Variants in SPCS2 observed in about 807,000 individuals in gnomAD.
The protein encoded by SPCS2 is SPase 25 kDa subunit.
A neutral mutation model predicts 22.3 loss-of-function variants in SPCS2; 3 were observed. The observed-to-expected ratio is 0.13, with a 90% CI of 0.06 to 0.35. The LOEUF (loss-of-function observed/expected upper bound fraction) is 0.35, where lower values mean the gene tolerates loss of function less well. Among genes scored for constraint, SPCS2 ranks in the 10% least tolerant of loss-of-function variants. The pLI, the probability that SPCS2 is intolerant of heterozygous loss-of-function variation, is 1.00. For synonymous variants in SPCS2, 67 were observed against 97.2 expected, an observed-to-expected ratio of 0.69 and a Z score of 1.83; for missense variants, 169 against 280.9, an observed-to-expected ratio of 0.60 and a Z score of 2.85.
chr11:74,950,519 T>G (rs1948397484), intron 1 of SPCS2, among the ~76,000 whole-genome samples: 1 of 152,212 alleles, frequency 6.6e-6, no homozygotes, highest in Non-Finnish European at 1.5e-5. Flanking sequence ...TTACTTGTCT[T>G]TTTGAGTGTC....
chr11:74,949,870 C>T (rs1948343717), intron 1 of SPCS2, among the ~76,000 whole-genome samples: 1 of 152,172 alleles, frequency 6.6e-6, no homozygotes, highest in Non-Finnish European at 1.5e-5. Flanking sequence ...GGCGTTTTAT[C>T]ATGATAGGCG....
At chr11:74,956,804 C>T (rs1165177098) in intron 1 of SPCS2, among the ~76,000 whole-genome samples, 1 of 151,988 alleles carries the variant, frequency 6.6e-6, no homozygotes, top group Non-Finnish European at 1.5e-5. Flanking sequence ...TTCTGTCATC[C>T]TCATCTGTCA....
chr11:74,955,644 A>G (rs1948473391), intron 1 of SPCS2, among the ~76,000 whole-genome samples: 2 of 151,988 alleles, frequency 1.3e-5, no homozygotes, highest in Admixed American at 6.6e-5. Context: ...CCTTGTGAGT[A>G]TACTAAAAAC....
intron 1 of SPCS2, among the ~76,000 whole-genome samples, chr11:74,959,095 T>G (rs558174466): frequency 1.1e-3 from 162 of 152,286 alleles, no homozygotes; most frequent in African/African-American, 3.8e-3. Context: ...TAAACTGGGA[T>G]AAAGGAGAGA....
intron 4 of SPCS2, 73 bp from the exon 5 acceptor site, chr11:74,976,784 C>A: frequency 6.3e-7 from 1 of 1,583,164 alleles, no homozygotes; most frequent in Admixed American, 1.7e-5. Flanking sequence ...TTCGGAAACA[C>A]TTGGTGCCGT....
chr11:74,965,724 A>G (rs1452291409), intron 2 of SPCS2, 39 bp from the exon 3 acceptor site: 9 of 1,530,620 alleles, frequency 5.9e-6, no homozygotes, highest in Admixed American at 1.7e-5. Context: ...CTGGGGAGGA[A>G]GTATTCCTAT....
intron 1 of SPCS2, among the ~76,000 whole-genome samples, chr11:74,953,473 G>T (rs780046247): frequency 6.6e-6 from 1 of 151,460 alleles, no homozygotes. Flanking sequence ...GTTTACAAGC[G>T]TGCGCCACCA....
rs747408472 is a variant in SPCS2, at chr11:74,969,601, C to A, written c.396C>A (p.Thr132=). ...TGATGGGGATTCTGACCATTTATAC[C>A]TCATATAAGGAGAAGAGCATCTTTC... is the stretch of plus-strand genomic sequence containing the variant. ...FVMMGILTIY[T]SYKEKSIFLV... Residue 132 remains threonine, a synonymous_variant, in exon 4 of 5, where the codon ACC becomes ACA. Transcript: ENST00000263672. 3 of 1,613,120 alleles carry A rather than the reference C, an allele frequency of 1.9e-6. No individual in the cohort carries two copies. The highest frequency in any genetic ancestry group is 2.5e-6 in the Non-Finnish European group (3 of 1,179,354).
At chr11:74,954,311 T>A (rs369931462) in intron 1 of SPCS2, among the ~76,000 whole-genome samples, 1 of 152,214 alleles carries the variant, frequency 6.6e-6, no homozygotes, top group African/African-American at 2.4e-5. Context: ...CACAGTGAAT[T>A]AGTAACACTT....
chr11:74,972,551 G>C (rs965637838), intron 4 of SPCS2, among the ~76,000 whole-genome samples: 5 of 152,082 alleles, frequency 3.3e-5, no homozygotes, highest in African/African-American at 1.2e-4. Context: ...TTGGTAACCA[G>C]ACCCAGCCCA....
rs375467292 is a variant in SPCS2 at position 74,965,877 on chromosome 11, C to T, written c.313C>T (p.His105Tyr). Residue 105 changes from histidine (H) to tyrosine (Y), a missense_variant, in exon 3 of 5, where the codon CAC becomes TAC. Around this residue, in one of 2 missense-constraint regions of SPCS2, gnomAD observed 118 missense variants for 243.1 expected, o/e 0.49. Coordinates refer to ENST00000263672, the MANE Select transcript of SPCS2 (RefSeq NM_014752.3). The stretch of plus-strand genomic sequence containing the variant: ...AGTGGCTTTGATTTGGGATTATATG[C>T]ACCCCTTTCCAGAGTCCAAACCCGT... Reference protein sequence around the residue: ...AIVALIWDYMHPFPESKPVLA... With the variant: ...AIVALIWDYMYPFPESKPVLA... 6 of 1,613,394 alleles carry T rather than the reference C, an allele frequency of 3.7e-6. No homozygotes were observed. Among genetic ancestry groups the T allele is most frequent in the East Asian group, 4.5e-5 (2 of 44,846 alleles).
intron 1 of SPCS2, chr11:74,963,537 A>T: frequency 2.5e-6 from 1 of 403,254 alleles, no homozygotes; most frequent in South Asian, 1.8e-5. Flanking sequence ...CTCTTATTTT[A>T]TTTTTTATTG....
intron 1 of SPCS2, among the ~76,000 whole-genome samples, chr11:74,952,162 T>C (rs1948450428): frequency 2.0e-5 from 3 of 152,176 alleles, no homozygotes; most frequent in Admixed American, 2.0e-4. Flanking sequence ...AATAAGGCCG[T>C]ATACACAGTA....
intron 1 of SPCS2, among the ~76,000 whole-genome samples, chr11:74,954,186 C>T (rs1948462980): frequency 2.0e-5 from 3 of 152,300 alleles, no homozygotes; most frequent in South Asian, 4.1e-4. Flanking sequence ...AAAAGCTATT[C>T]TGCTTAATAG....
At chr11:74,953,610 T>C (rs978719861) in intron 1 of SPCS2, among the ~76,000 whole-genome samples, 3 of 152,232 alleles carry the variant, frequency 2.0e-5, no homozygotes, top group Admixed American at 1.3e-4. Context: ...GCAAATATGC[T>C]CCTAGTTTTC....
intron 4 of SPCS2, 142 bp downstream of exon 4, chr11:74,969,841 G>T: frequency 9.0e-6 from 9 of 1,004,986 alleles, no homozygotes; most frequent in Non-Finnish European, 1.4e-5. Flanking sequence ...GAGTATGGAT[G>T]ATCTAGAAGG....
intron 1 of SPCS2, 181 bp downstream of exon 1, chr11:74,949,580 G>A (rs558873650): frequency 4.0e-5 from 27 of 674,406 alleles, no homozygotes; most frequent in South Asian, 3.9e-4. Context: ...CTTCAAACCT[G>A]GACCCGGTCC....
At chr11:74,963,741 G>A in intron 1 of SPCS2, 1 of 227,358 alleles carries the variant, frequency 4.4e-6, no homozygotes, top group South Asian at 4.6e-5. Flanking sequence ...TTGTACTTGT[G>A]CTCAATCCGA....
At chr11:74,960,927 AC>A (rs1457443511) in intron 1 of SPCS2, among the ~76,000 whole-genome samples, 2 of 152,162 alleles carry the variant, frequency 1.3e-5, no homozygotes, top group African/African-American at 4.8e-5. Context: ...GTGAATAAGA[AC>A]CAAGTGAGAT....
Sources: allele counts gnomAD v4.1 joint callset (sites outside exome capture counted in the v4.1 genomes callset), GRCh38; gene constraint gnomAD v4.1.1; regional missense constraint gnomAD v4.1.1; transcripts MANE v1.5; gene names NCBI Gene and HGNC (gene_info 2026-07-23, HGNC 2026-07-21).